Variants in CENPE observed in about 807,000 individuals in gnomAD.
CENPE encodes centromere-associated protein E.
Under a neutral mutation model 336.1 loss-of-function variants are expected in CENPE, and 145 were observed. That is an observed-to-expected ratio of 0.43 (90% CI 0.38 to 0.50). CENPE has a LOEUF of 0.50. Among genes scored for constraint, CENPE ranks in the 20% least tolerant of loss-of-function variants. The pLI is 0.00. For synonymous variants in CENPE, 1,013 were observed against 984.8 expected (o/e 1.03, Z -0.54); for missense variants, 2,719 against 3,023.3 (o/e 0.90, Z 2.36).
At chr4:103,168,543 G>T (rs547053606) in intron 16 of CENPE, among the ~76,000 whole-genome samples, 61 of 152,292 alleles carry the variant, frequency 4.0e-4, no homozygotes, top group Non-Finnish European at 6.9e-4. Context: ...ACCAACATTG[G>T]TTCCATAGCA....
chr4:103,153,177 T>C lies in CENPE; in HGVS notation c.3107A>G (p.Asn1036Ser), dbSNP rs1013099682. The change falls in exon 25 of 49, where the codon AAT becomes AGT. Residue 1036 changes from asparagine (N) to serine (S), a missense_variant. Asn to Ser is a conservative substitution (Grantham distance 46). Transcript: ENST00000265148. ...CTTCCTTTGTTGCTCAATTATCTCA[T>C]TATCCTTAACATCTGCAGTTAGTGT... ...TQTLTADVKDNEIIEQQRKIF... is the reference protein window; with the variant it reads ...TQTLTADVKDSEIIEQQRKIF... 1 of 1,613,106 alleles carries C rather than the reference T, an allele frequency of 6.2e-7. No homozygotes were observed. The highest frequency in any genetic ancestry group is 8.5e-7 in the Non-Finnish European group (1 of 1,179,494).
In CENPE at chr4:103,145,280, C is replaced by A; in HGVS notation, c.4627G>T (p.Val1543Phe). 6.2e-7 allele frequency: 1 copy of A among 1,605,862 alleles called. No individual in the cohort carries two copies. Among genetic ancestry groups the A allele is most frequent in the South Asian group, 1.1e-5 (1 of 90,398 alleles). The change falls in exon 32 of 49, where the codon GTT becomes TTT. Residue 1543 changes from valine to phenylalanine, a missense_variant. By Grantham distance (50) the Val-to-Phe change is conservative. Coordinates refer to ENST00000265148, the MANE Select transcript of CENPE (RefSeq NM_001813.3). ...TTCAGTTCATTCACTTTTTCCTGAA[C>A]CTCACTAATTTGTTTTATATTAAAT... ...EQFNIKQISE[V>F]QEKVNELKQF... is the part of the protein sequence containing the mutation.
intron 46 of CENPE, 83 bp downstream of exon 46, chr4:103,114,372 A>T: frequency 1.2e-6 from 1 of 810,338 alleles, no homozygotes; most frequent in Non-Finnish European, 2.1e-6. Flanking sequence ...CGACTGTCAC[A>T]TACTACATAA....
intron 3 of CENPE, 51 bp from the exon 4 acceptor site, chr4:103,196,089 G>A (rs1560689012): frequency 3.2e-6 from 5 of 1,580,074 alleles, no homozygotes; most frequent in Non-Finnish European, 4.4e-6. Context: ...AACCTATAAT[G>A]GGTAAAACTA....
At chr4:103,189,089 T>A (rs908723700) in intron 8 of CENPE, among the ~76,000 whole-genome samples, 1 of 151,852 alleles carries the variant, frequency 6.6e-6, no homozygotes, top group South Asian at 2.1e-4. Flanking sequence ...CAAGACTAAA[T>A]CAGGAAGAAG....
intron 42 of CENPE, among the ~76,000 whole-genome samples, chr4:103,124,977 G>T (rs1750970053): frequency 6.6e-6 from 1 of 152,160 alleles, no homozygotes; most frequent in Non-Finnish European, 1.5e-5. Flanking sequence ...AATCACAACT[G>T]GGTCTCCAGT....
At chr4:103,126,335 T>C (rs1381327048) in intron 42 of CENPE, among the ~76,000 whole-genome samples, 2 of 152,138 alleles carry the variant, frequency 1.3e-5, no homozygotes, top group African/African-American at 2.4e-5. Context: ...GAGCCTAACA[T>C]GCTGGGGTTT....
chr4:103,160,077 A>C (rs567747670), intron 21 of CENPE, among the ~76,000 whole-genome samples: 6 of 152,030 alleles, frequency 3.9e-5, no homozygotes, highest in African/African-American at 1.4e-4. Context: ...AAGACGAGTA[A>C]ATGAAATAAT....
intron 31 of CENPE, 87 bp from the exon 32 acceptor site, chr4:103,145,421 C>T (rs1250199759): frequency 5.8e-6 from 8 of 1,385,186 alleles, no homozygotes; most frequent in Admixed American, 2.1e-5. Flanking sequence ...GAAAAGGTTG[C>T]TTCCCAAAAC....
rs574944909 is a variant in CENPE, at chr4:103,152,934, C to T, written c.3237+113G>A. 1.1e-4 allele frequency: 82 copies of T among 763,204 alleles called. No individual in the cohort carries two copies. The Middle Eastern group carries it at 1.9e-3, about 17-fold the overall frequency. The allele number at this position is 763,204 out of a possible 1,614,324, so 47.3% of individuals were successfully genotyped here. On this transcript the variant is annotated intron_variant, in intron 25 of 48. Coordinates refer to ENST00000265148, the MANE Select transcript of CENPE (RefSeq NM_001813.3). Reference sequence around the variant, plus strand: ...ATTTGTTAAAAGTCGTCAGACCATACACTTCCACCAGATACATTTATTGTA... The same window carrying T: ...ATTTGTTAAAAGTCGTCAGACCATATACTTCCACCAGATACATTTATTGTA...
chr4:103,178,333 A>T (rs1356502135), intron 13 of CENPE, among the ~76,000 whole-genome samples: 1 of 151,992 alleles, frequency 6.6e-6, no homozygotes, highest in East Asian at 1.9e-4. Flanking sequence ...TTTCTTTTTC[A>T]TTACCTACAA....
chr4:103,122,887 G>C lies in CENPE; in HGVS notation c.7127C>G (p.Thr2376Arg), dbSNP rs370826901. 6.2e-7 allele frequency: 1 copy of C among 1,612,432 alleles called. No homozygotes were observed. The highest frequency in any genetic ancestry group is 1.3e-5 in the African/African-American group (1 of 75,024). ...ATTATATACCTCTGTGGTTAACTGT[G>C]TAGCTCTTGATGTAACATGAGGATT... is the stretch of plus-strand genomic sequence containing the variant. The part of the protein sequence containing the change: ...NKNPHVTSRA[T>R]QLTTEKIREL... Residue 2376 changes from threonine (T) to arginine (R), a missense_variant, in exon 43 of 49, where the codon ACA (threonine) becomes AGA (arginine). Thr to Arg is a moderately conservative substitution (Grantham distance 71). Coordinates refer to ENST00000265148, the MANE Select transcript of CENPE (RefSeq NM_001813.3).
intron 44 of CENPE, among the ~76,000 whole-genome samples, chr4:103,118,050 C>T (rs1750297478): frequency 6.6e-6 from 1 of 152,184 alleles, no homozygotes; most frequent in Non-Finnish European, 1.5e-5. Flanking sequence ...ACACATGCAG[C>T]CCTTTGTGTG....
At chr4:103,137,077 T>C (rs979750303) in intron 39 of CENPE, among the ~76,000 whole-genome samples, 1 of 152,202 alleles carries the variant, frequency 6.6e-6, no homozygotes, top group Non-Finnish European at 1.5e-5. Flanking sequence ...TTTATAAACA[T>C]GTTTCTATAC....
At chr4:103,165,944 T>A (rs1754880194) in intron 16 of CENPE, among the ~76,000 whole-genome samples, 1 of 151,762 alleles carries the variant, frequency 6.6e-6, no homozygotes, top group Non-Finnish European at 1.5e-5. Flanking sequence ...TTCTTCCTCC[T>A]CAACTGTGGT....
rs1370089805 is a variant in CENPE at position 103,145,380 on chromosome 4, A to G, written c.4573-46T>C. On this transcript the variant is annotated intron_variant, in intron 31 of 48. Transcript: ENST00000265148. ...AAGTTAATAGTCATAAAAATATGTA[A>G]ACACACACACACACATACACAACTT... 39 of 1,348,990 alleles carry G rather than the reference A, an allele frequency of 2.9e-5. No individual in the cohort carries two copies. In the Admixed American group the frequency reaches 7.8e-4, roughly 27 times the overall value. 83.6% of individuals were successfully genotyped at this position (1,348,990 alleles called of 1,614,324 possible). A position where few individuals can be genotyped will look rare whatever the true frequency, so the allele number is the denominator to read the frequency against.
At chr4:103,186,956 T>G (rs1756829043) in intron 8 of CENPE, among the ~76,000 whole-genome samples, 1 of 152,132 alleles carries the variant, frequency 6.6e-6, no homozygotes, top group African/African-American at 2.4e-5. Flanking sequence ...GAAAAGGCAG[T>G]GTGGCACAGT....
chr4:103,136,148 T>A lies in CENPE; in HGVS notation c.6515A>T (p.Lys2172Ile). The A allele has an allele frequency of 3.1e-6, 5 of 1,610,398 alleles. No homozygotes were observed. Among genetic ancestry groups the A allele is most frequent in the Non-Finnish European group, 4.2e-6 (5 of 1,178,590 alleles). ...CSMEFHRIMKKLKYVLSYVTK... is the reference protein window; with the variant it reads ...CSMEFHRIMKILKYVLSYVTK... ...TACTAAAAAAGATGGTACCTTCAGT[T>A]TCTTCATGATTCTGTGGAATTCCAT... Residue 2172 changes from lysine to isoleucine, a missense_variant, in exon 40 of 49, where the codon AAA becomes ATA. Coordinates refer to ENST00000265148, the MANE Select transcript of CENPE (RefSeq NM_001813.3).
At chr4:103,167,357 AGAT>A (rs1225232291) in intron 16 of CENPE, among the ~76,000 whole-genome samples, 1 of 152,198 alleles carries the variant, frequency 6.6e-6, no homozygotes, top group Non-Finnish European at 1.5e-5. Flanking sequence ...CCCTTCCCAT[AGAT>A]GCTTTTAATT....
Sources: allele counts gnomAD v4.1 joint callset (sites outside exome capture counted in the v4.1 genomes callset), GRCh38; gene constraint gnomAD v4.1.1; transcripts MANE v1.5; gene names NCBI Gene and HGNC (gene_info 2026-07-23, HGNC 2026-07-21).